FAM120C: variants seen among roughly 807,000 people sequenced by gnomAD.
FAM120C encodes the protein constitutive coactivator of PPAR-gamma-like protein 2.
A neutral mutation model predicts 71.2 loss-of-function variants in FAM120C; 14 were observed. The observed-to-expected ratio is 0.20, with a 90% CI of 0.13 to 0.31. The LOEUF (loss-of-function observed/expected upper bound fraction) is 0.31, where lower values mean the gene tolerates loss of function less well. Among genes scored for constraint, FAM120C ranks in the 10% least tolerant of loss-of-function variants. The probability of loss-of-function intolerance (pLI) is 1.00; values close to 1 mark genes in which losing one functional copy is unlikely to be tolerated. For missense variants in FAM120C, 500 were observed against 879.0 expected, an observed-to-expected ratio of 0.57 and a Z score of 5.45; for synonymous variants, 354 against 353.2, an observed-to-expected ratio of 1.00 and a Z score of -0.03.
intron 10 of FAM120C, among the ~76,000 whole-genome samples, chrX:54,095,133 C>T (rs1557123097): frequency 9.0e-6 from 1 of 111,572 alleles, no homozygotes; most frequent in African/African-American, 3.3e-5. Context: ...TAGTGCCTGG[C>T]ACAGCAGGTG....
chrX:54,082,704 C>G (rs1292719423), intron 13 of FAM120C, among the ~76,000 whole-genome samples: 1 of 111,161 alleles, frequency 9.0e-6, no homozygotes, highest in Non-Finnish European at 1.9e-5. Flanking sequence ...CCACCGTGCC[C>G]GGTCCTAAAC....
At chrX:54,160,787 C>A (rs2067232581) in intron 1 of FAM120C, among the ~76,000 whole-genome samples, 1 of 110,947 alleles carries the variant, frequency 9.0e-6, no homozygotes, top group Admixed American at 9.6e-5. Context: ...TATTACTATC[C>A]CCATTTTACA....
chrX:54,081,269 C>T, intron 14 of FAM120C, 53 bp downstream of exon 14: 1 of 1,138,020 alleles, frequency 8.8e-7, no homozygotes, highest in Middle Eastern at 2.5e-4. Flanking sequence ...TCCAAGGAGG[C>T]CTAGGCATTT....
chrX:54,171,070 A>G (rs782813630), intron 1 of FAM120C, among the ~76,000 whole-genome samples: 2 of 111,680 alleles, frequency 1.8e-5, no homozygotes, highest in African/African-American at 6.5e-5. Flanking sequence ...GGCAGCTAAC[A>G]TGAATGAAGG....
At chrX:54,116,484 A>T in intron 10 of FAM120C, 61 bp downstream of exon 10, 1 of 1,139,105 alleles carries the variant, frequency 8.8e-7, no homozygotes, top group Non-Finnish European at 1.2e-6. Flanking sequence ...GCAGGTGCTT[A>T]AAGGAAATAT....
chrX:54,155,784 G>A (rs910946101), intron 3 of FAM120C, among the ~76,000 whole-genome samples: 1 of 111,426 alleles, frequency 9.0e-6, no homozygotes, highest in African/African-American at 3.3e-5. Context: ...TTGCTGAACT[G>A]ATGCTCTTAA....
At chrX:54,162,769 A>AC (rs2146639166) in intron 1 of FAM120C, among the ~76,000 whole-genome samples, 1 of 111,316 alleles carries the variant, frequency 9.0e-6, no homozygotes, top group East Asian at 2.8e-4. Context: ...ACTGTTCCAA[A>AC]CCCCCCTCAC....
At chrX:54,107,085 G>A (rs1270960606) in intron 10 of FAM120C, among the ~76,000 whole-genome samples, 1 of 109,329 alleles carries the variant, frequency 9.1e-6, no homozygotes, top group Non-Finnish European at 1.9e-5. Context: ...GCTATTATAT[G>A]TATTTTGTTT....
intron 9 of FAM120C, among the ~76,000 whole-genome samples, chrX:54,126,197 T>A (rs956925184): frequency 8.9e-6 from 1 of 112,175 alleles, no homozygotes; most frequent in African/African-American, 3.2e-5. Flanking sequence ...TGCCTTCTAT[T>A]TCATTTTCTT....
chrX:54,103,120 G>A (rs868909972), intron 10 of FAM120C, among the ~76,000 whole-genome samples: 11 of 111,710 alleles, frequency 9.8e-5, no homozygotes, highest in Non-Finnish European at 1.9e-4. Flanking sequence ...GGGGAGTATT[G>A]CCATCTTAAC....
At chrX:54,099,178 G>T (rs1055056961) in intron 10 of FAM120C, among the ~76,000 whole-genome samples, 28 of 108,909 alleles carry the variant, frequency 2.6e-4, no homozygotes, top group Non-Finnish European at 4.9e-4. Flanking sequence ...ACGCCCAGCT[G>T]CTTTTTAAAG....
At chrX:54,112,806 A>G (rs1274852451) in intron 10 of FAM120C, among the ~76,000 whole-genome samples, 2 of 101,058 alleles carry the variant, frequency 2.0e-5, no homozygotes, top group African/African-American at 7.3e-5. Context: ...GTGCCACTGC[A>G]CTCCAGCCTG....
At chrX:54,103,753 C>T (rs1367630967) in intron 10 of FAM120C, among the ~76,000 whole-genome samples, 1 of 23,890 alleles carries the variant, frequency 4.2e-5, no homozygotes, top group African/African-American at 1.2e-4. Flanking sequence ...TCCAAAACAC[C>T]TCTTTTTTTT....
intron 1 of FAM120C, among the ~76,000 whole-genome samples, chrX:54,163,057 C>T (rs2067242312): frequency 9.0e-6 from 1 of 111,663 alleles, no homozygotes; most frequent in Admixed American, 9.6e-5. Context: ...CTGGAATCCT[C>T]GTAAATTGCT....
At chrX:54,142,317 C>A (rs1319398470) in intron 4 of FAM120C, among the ~76,000 whole-genome samples, 1 of 112,326 alleles carries the variant, frequency 8.9e-6, no homozygotes, top group Non-Finnish European at 1.9e-5. Context: ...GGGGAATTCC[C>A]TTTCCTAGCC....
intron 13 of FAM120C, among the ~76,000 whole-genome samples, chrX:54,082,434 A>T (rs2066771086): frequency 9.0e-6 from 1 of 110,557 alleles, no homozygotes; most frequent in East Asian, 2.9e-4. Flanking sequence ...TTTGAGACAG[A>T]GTCTCACTGT....
chrX:54,135,415 T>C, intron 6 of FAM120C, 113 bp downstream of exon 6: 2 of 663,910 alleles, frequency 3.0e-6, no homozygotes, highest in East Asian at 3.5e-5. Context: ...GGTAATATAG[T>C]ATATATAGCC....
intron 3 of FAM120C, among the ~76,000 whole-genome samples, chrX:54,153,987 C>T (rs1406434137): frequency 9.1e-6 from 1 of 109,358 alleles, no homozygotes; most frequent in African/African-American, 3.3e-5. Flanking sequence ...AGGTGTTAGC[C>T]ACAGTGCCCG....
intron 9 of FAM120C, among the ~76,000 whole-genome samples, chrX:54,126,296 A>G (rs1394993448): frequency 1.8e-5 from 2 of 112,379 alleles, no homozygotes; most frequent in Admixed American, 1.9e-4. Context: ...ATTTTAGGAG[A>G]AAAACATCTT....
Sources: gnomAD v4.1 joint callset for allele counts (sites outside exome capture counted in the v4.1 genomes callset) on GRCh38, gnomAD v4.1.1 for gene constraint, MANE v1.5 for transcripts, NCBI Gene and HGNC (gene_info 2026-07-23, HGNC 2026-07-21) for gene names.